Variants in RBFOX1 observed in about 807,000 individuals in gnomAD.
RBFOX1 encodes RNA binding protein fox-1 homolog 1.
In RBFOX1, 8 loss-of-function variants were observed where a neutral mutation model predicts 57.7. That is an observed-to-expected ratio of 0.14 (90% confidence interval 0.08 to 0.25). RBFOX1 has a LOEUF of 0.25. RBFOX1 is among the 10% of genes least tolerant of loss of function. RBFOX1 has a pLI of 1.00. For missense variants in RBFOX1, 611 were observed against 548.5 expected (o/e 1.11, Z -1.14); for synonymous variants, 326 against 222.4 (o/e 1.47, Z -4.15).
chr16:5,297,160 A>G (rs1022709487), intron 1 of RBFOX1, among the ~76,000 whole-genome samples: 1 of 152,082 alleles, frequency 6.6e-6, no homozygotes, highest in Non-Finnish European at 1.5e-5. Context: ...TTATCTTTTG[A>G]TGGATACTTA....
In RBFOX1 at chr16:5,454,951, C is replaced by T. The variant is rs1567535812; in HGVS notation, c.220-12265C>T. 2.8e-3 allele frequency among the ~76,000 whole-genome samples: 144 copies of T among 51,628 alleles called. 4 individuals are homozygous for T. The highest frequency in any genetic ancestry group is 9.3e-3 in the African/African-American group (136 of 14,686). The allele number at this position is 51,628 out of a possible 152,430, so 33.9% of individuals were successfully genotyped here. A position where few individuals can be genotyped will look rare whatever the true frequency, so the allele number is the denominator to read the frequency against. On this transcript the variant is annotated intron_variant, in intron 1 of 2. Coordinates refer to the RBFOX1 transcript ENST00000585867. ...TCTTCCTTCCTTCCTTCCTTCCTTC[C>T]TTCCTTCCTTTCTTTCTTTCTTTCT...
intron 2 of RBFOX1, among the ~76,000 whole-genome samples, chr16:6,593,311 C>T (rs1279236833): frequency 6.6e-6 from 1 of 152,128 alleles, no homozygotes; most frequent in Non-Finnish European, 1.5e-5. Context: ...TGTAAGTTTA[C>T]CAGGTGGTGT....
At chr16:5,750,264 C>T (rs1316690319) in intron 3 of RBFOX1, among the ~76,000 whole-genome samples, 1 of 152,202 alleles carries the variant, frequency 6.6e-6, no homozygotes, top group East Asian at 1.9e-4. Context: ...CATGAGATGT[C>T]AGTCTGCCCC....
At chr16:7,517,178 TG>T (rs1340439575) in intron 4 of RBFOX1, among the ~76,000 whole-genome samples, 2 of 149,486 alleles carry the variant, frequency 1.3e-5, no homozygotes, top group Non-Finnish European at 3.0e-5. Context: ...TGTGTGTGTG[TG>T]TGTGTGTGTT....
At chr16:7,251,232 A>G (rs1340012146) in intron 4 of RBFOX1, among the ~76,000 whole-genome samples, 1 of 151,890 alleles carries the variant, frequency 6.6e-6, no homozygotes, top group Non-Finnish European at 1.5e-5. Flanking sequence ...GAGTTCAACT[A>G]TTTCAGATTC....
chr16:5,964,413 T>C (rs949555560), intron 4 of RBFOX1, among the ~76,000 whole-genome samples: 9 of 152,084 alleles, frequency 5.9e-5, no homozygotes, highest in African/African-American at 2.4e-5. Context: ...CCAAAGGAAA[T>C]AAAGAGAGGA....
intron 4 of RBFOX1, among the ~76,000 whole-genome samples, chr16:7,207,989 G>T (rs73547532): frequency 1.3e-5 from 2 of 152,128 alleles, no homozygotes; most frequent in African/African-American, 2.4e-5. Context: ...CTGTAAGTGG[G>T]GTTTCTTTTT....
chr16:5,795,884 C>T (rs78300543), intron 3 of RBFOX1, among the ~76,000 whole-genome samples: 3 of 152,200 alleles, frequency 2.0e-5, no homozygotes, highest in Non-Finnish European at 4.4e-5. Context: ...GTTGCATTTT[C>T]TAATGACTTA....
chr16:6,777,337 T>G (rs879568801), intron 3 of RBFOX1, among the ~76,000 whole-genome samples: 17 of 152,094 alleles, frequency 1.1e-4, no homozygotes, highest in Non-Finnish European at 2.1e-4. Flanking sequence ...CTATACCTAG[T>G]GGATGATGTT....
intron 3 of RBFOX1, among the ~76,000 whole-genome samples, chr16:5,680,353 C>T (rs2050294446): frequency 6.6e-6 from 1 of 152,184 alleles, no homozygotes; most frequent in Non-Finnish European, 1.5e-5. Flanking sequence ...CCATTGAACC[C>T]TAATGTCCTG....
At chr16:5,636,154 C>A (rs545093238) in intron 3 of RBFOX1, among the ~76,000 whole-genome samples, 2 of 152,130 alleles carry the variant, frequency 1.3e-5, no homozygotes, top group African/African-American at 2.4e-5. Context: ...TCGAGACCAG[C>A]CTGACCAACA....
chr16:5,451,088 T>C (rs1254346945), intron 1 of RBFOX1, among the ~76,000 whole-genome samples: 1 of 152,198 alleles, frequency 6.6e-6, no homozygotes, highest in Admixed American at 6.5e-5. Context: ...ACTCAAAATA[T>C]CCAACGGATT....
At chr16:7,027,310 A>T (rs2041256455) in intron 3 of RBFOX1, among the ~76,000 whole-genome samples, 1 of 152,210 alleles carries the variant, frequency 6.6e-6, no homozygotes, top group Non-Finnish European at 1.5e-5. Flanking sequence ...CATCTATTTT[A>T]TTTAAAATGC....
At chr16:5,950,796 A>T (rs540069750) in intron 4 of RBFOX1, among the ~76,000 whole-genome samples, 1 of 152,174 alleles carries the variant, frequency 6.6e-6, no homozygotes, top group East Asian at 1.9e-4. Flanking sequence ...TGAGGGTAGG[A>T]TACCTGAGTT....
At chr16:6,673,726 T>C (rs2098782721) in intron 3 of RBFOX1, among the ~76,000 whole-genome samples, 1 of 152,192 alleles carries the variant, frequency 6.6e-6, no homozygotes, top group Non-Finnish European at 1.5e-5. Context: ...GAAGAGGCTA[T>C]GGACAAAGGC....
intron 4 of RBFOX1, among the ~76,000 whole-genome samples, chr16:6,004,210 A>T (rs959210110): frequency 3.3e-5 from 5 of 152,208 alleles, no homozygotes; most frequent in Non-Finnish European, 5.9e-5. Context: ...AATTTTTTTT[A>T]AAGAAAATAA....
chr16:5,987,890 A>G (rs1186475051), intron 4 of RBFOX1, among the ~76,000 whole-genome samples: 2 of 152,180 alleles, frequency 1.3e-5, no homozygotes, highest in Non-Finnish European at 2.9e-5. Context: ...TAATCCCTGA[A>G]GTTACACTGT....
intron 3 of RBFOX1, among the ~76,000 whole-genome samples, chr16:6,957,495 T>G (rs1168533052): frequency 6.6e-6 from 1 of 152,172 alleles, no homozygotes; most frequent in Non-Finnish European, 1.5e-5. Flanking sequence ...GACGTTGCCA[T>G]GGCATTTATA....
chr16:7,499,610 A>G (rs976315038), intron 4 of RBFOX1, among the ~76,000 whole-genome samples: 2 of 152,224 alleles, frequency 1.3e-5, no homozygotes, highest in African/African-American at 2.4e-5. Context: ...TGTCTAAAGA[A>G]GATAGACACG....
Sources: gnomAD v4.1 joint callset for allele counts (sites outside exome capture counted in the v4.1 genomes callset) on GRCh38, gnomAD v4.1.1 for gene constraint, MANE v1.5 for transcripts, NCBI Gene and HGNC (gene_info 2026-07-23, HGNC 2026-07-21) for gene names.